The following RALGAPA1 variants were observed in gnomAD, a reference collection of about 807,000 sequenced individuals.
The protein encoded by RALGAPA1 is ral GTPase-activating protein subunit alpha-1.
In RALGAPA1, 52 loss-of-function variants were observed where a neutral mutation model predicts 269.6. That is an observed-to-expected ratio of 0.19 (90% confidence interval 0.15 to 0.24). RALGAPA1 has a LOEUF of 0.24. RALGAPA1 is among the 10% of genes least tolerant of loss of function. The pLI, the probability that RALGAPA1 is intolerant of heterozygous loss-of-function variation, is 1.00. For missense variants in RALGAPA1, 1,917 were observed against 3,013.9 expected (o/e 0.64, Z 8.52); for synonymous variants, 817 against 1,008.3 (o/e 0.81, Z 3.60).
At chr14:35,716,242 A>G (rs1226665845) in intron 16 of RALGAPA1, 1 of 200,974 alleles carries the variant, frequency 5.0e-6, no homozygotes, top group Non-Finnish European at 8.8e-6. Context: ...AAAATACAAA[A>G]ATTAGCTAGG....
intron 10 of RALGAPA1, among the ~76,000 whole-genome samples, chr14:35,742,914 G>T (rs1351300152): frequency 6.6e-6 from 1 of 152,086 alleles, no homozygotes; most frequent in East Asian, 1.9e-4. Flanking sequence ...CTAATTCAGG[G>T]TCACTGGTGG....
intron 36 of RALGAPA1, among the ~76,000 whole-genome samples, chr14:35,596,696 A>G (rs1217083317): frequency 6.6e-6 from 1 of 152,112 alleles, no homozygotes; most frequent in South Asian, 2.1e-4. Context: ...TTTAAAATTT[A>G]TTTTTAACTC....
intron 34 of RALGAPA1, among the ~76,000 whole-genome samples, chr14:35,626,264 A>G (rs1594873085): frequency 6.6e-6 from 1 of 152,276 alleles, no homozygotes. Context: ...GAGTATAAAC[A>G]CTAAGCAAAC....
chr14:35,548,446 T>A (rs2054656194), intron 41 of RALGAPA1, 62 bp downstream of exon 41: 1 of 1,216,840 alleles, frequency 8.2e-7, no homozygotes, highest in Non-Finnish European at 1.2e-6. Context: ...TAGAGCCTGC[T>A]AATTTTGAAA....
intron 34 of RALGAPA1, among the ~76,000 whole-genome samples, chr14:35,626,659 T>C (rs1457748542): frequency 6.6e-6 from 1 of 152,140 alleles, no homozygotes; most frequent in East Asian, 1.9e-4. Context: ...CATGAGTTTA[T>C]TGTAAGTTTT....
intron 4 of RALGAPA1, among the ~76,000 whole-genome samples, chr14:35,767,628 C>T (rs1244843998): frequency 6.6e-6 from 1 of 152,068 alleles, no homozygotes; most frequent in East Asian, 1.9e-4. Context: ...GCAGAGGTTG[C>T]AGTGAGCCAA....
intron 28 of RALGAPA1, among the ~76,000 whole-genome samples, chr14:35,657,089 C>T (rs1388384132): frequency 6.6e-6 from 1 of 152,106 alleles, no homozygotes; most frequent in African/African-American, 2.4e-5. Context: ...CACCCCCCCT[C>T]CACAAGATGT....
chr14:35,634,751 G>A lies in RALGAPA1; in HGVS notation c.5818C>T (p.His1940Tyr). Residue 1940 changes from histidine to tyrosine, a missense_variant, in exon 33 of 42, where the codon CAT becomes TAT. Physicochemically the swap from His to Tyr is moderately conservative, Grantham distance 83 (BLOSUM62 2). Around this residue, in one of 11 missense-constraint regions of RALGAPA1, gnomAD observed 346 missense variants for 566.1 expected, o/e 0.61. Coordinates refer to ENST00000680220, the MANE Select transcript of RALGAPA1 (RefSeq NM_001346249.2). ...CACTGAGCTCCATAAACACACCCATGTAAAACCTGAAAATACAGGGGGAAA... is the reference window on the plus strand; with the variant it reads ...CACTGAGCTCCATAAACACACCCATATAAAACCTGAAAATACAGGGGGAAA... ...SVLNCIYKVLHGCVYGAQCFS... is the reference protein window; with the variant it reads ...SVLNCIYKVLYGCVYGAQCFS... The A allele has an allele frequency of 6.3e-7, 1 of 1,595,744 alleles. No individual in the cohort carries two copies. The highest frequency in any genetic ancestry group is 8.5e-7 in the Non-Finnish European group (1 of 1,171,992).
intron 39 of RALGAPA1, among the ~76,000 whole-genome samples, chr14:35,554,386 G>T (rs1447995306): frequency 8.9e-6 from 1 of 112,236 alleles, no homozygotes; most frequent in East Asian, 2.9e-4. Flanking sequence ...TCACTCTGTC[G>T]CCCAGGCTGG....
chr14:35,569,149 G>C (rs2056956347), intron 39 of RALGAPA1, among the ~76,000 whole-genome samples: 1 of 152,098 alleles, frequency 6.6e-6, no homozygotes, highest in South Asian at 2.1e-4. Context: ...TAATCAGATA[G>C]CTTAAGTCAA....
intron 19 of RALGAPA1, 106 bp from the exon 20 acceptor site, chr14:35,685,251 G>A: frequency 1.0e-6 from 1 of 980,740 alleles, no homozygotes. Context: ...GAGATTTAGA[G>A]GCTGAAGTAG....
intron 33 of RALGAPA1, among the ~76,000 whole-genome samples, chr14:35,629,769 G>T (rs2061233084): frequency 6.6e-6 from 1 of 152,172 alleles, no homozygotes; most frequent in Admixed American, 6.5e-5. Context: ...AAAGGGTTGG[G>T]ATTACAGGCG....
In RALGAPA1 at chr14:35,701,473, T is replaced by C. The variant is rs569108375; in HGVS notation, c.2267-1171A>G. On this transcript the variant is annotated intron_variant, in intron 16 of 41. Coordinates refer to ENST00000680220, the MANE Select transcript of RALGAPA1 (RefSeq NM_001346249.2). ...TCTACCACTCAGTAAGACTTTTCTT[T>C]TACTGTCCTCCCGTGCTGCCGCCAC... Among the ~76,000 whole-genome samples the C allele has an allele frequency of 9.6e-4, 146 of 152,278 alleles. 1 individual carries two copies. In the Middle Eastern group the frequency reaches 0.017, roughly 18 times the overall value.
chr14:35,570,496 A>T, intron 39 of RALGAPA1, 121 bp downstream of exon 39: 1 of 825,826 alleles, frequency 1.2e-6, no homozygotes, highest in Non-Finnish European at 1.7e-6. Flanking sequence ...CTCCATTTCT[A>T]CAAAAAATAA....
At chr14:35,665,936 C>T (rs373383001) in intron 26 of RALGAPA1, among the ~76,000 whole-genome samples, 4 of 151,592 alleles carry the variant, frequency 2.6e-5, no homozygotes, top group Non-Finnish European at 4.4e-5. Context: ...GGGGGGCAGA[C>T]GGCATTAACA....
intron 12 of RALGAPA1, among the ~76,000 whole-genome samples, chr14:35,736,345 T>A (rs1202145763): frequency 1.3e-5 from 2 of 152,198 alleles, no homozygotes; most frequent in Non-Finnish European, 2.9e-5. Flanking sequence ...TTTGAATATT[T>A]TAGTTAAGGA....
chr14:35,806,716 C>A (rs1161429636), intron 1 of RALGAPA1, among the ~76,000 whole-genome samples: 1 of 152,102 alleles, frequency 6.6e-6, no homozygotes, highest in East Asian at 1.9e-4. Flanking sequence ...ACTGGCAATG[C>A]CCAATTACTC....
Position 35,775,653 on chromosome 14 carries a change from C to A in RALGAPA1, c.199G>T (p.Ala67Ser). 1 of 1,574,320 alleles carries A rather than the reference C, an allele frequency of 6.4e-7. No individual in the cohort carries two copies. Among genetic ancestry groups the A allele is most frequent in the East Asian group, 2.4e-5 (1 of 42,058 alleles). ...ATCTTACCTTTCTGTTTAAGACTAG[C>A]TTCAATAGTCACAAAATTTTCAAAG... ...VFFENFVTIE[A>S]SLKQKGHKSQ... is the part of the protein sequence containing the mutation. Residue 67 changes from alanine to serine, a missense_variant, in exon 2 of 42, where the codon GCT (alanine) becomes TCT (serine). By Grantham distance (99) the Ala-to-Ser change is moderately conservative (BLOSUM62 1). Coordinates refer to ENST00000680220, the MANE Select transcript of RALGAPA1 (RefSeq NM_001346249.2).
chr14:35,554,338 CTTTTTTTTTTT>C (rs869302363), intron 39 of RALGAPA1, among the ~76,000 whole-genome samples: 5 of 85,764 alleles, frequency 5.8e-5, no homozygotes, highest in South Asian at 4.9e-4. Context: ...AATACACTTT[CTTTTTTTTTTT>C]TTTTTTTTTT....
Sources: gnomAD v4.1 joint callset for allele counts (sites outside exome capture counted in the v4.1 genomes callset) on GRCh38, gnomAD v4.1.1 for gene constraint, gnomAD v4.1.1 regional missense constraint, MANE v1.5 for transcripts, NCBI Gene and HGNC (gene_info 2026-07-23, HGNC 2026-07-21) for gene names.